Variants in ATP1B3 observed in about 807,000 individuals in gnomAD.
ATP1B3 encodes the protein ATPase Na+/K+ transporting subunit beta 3, also known as sodium/potassium-transporting ATPase subunit beta-3.
In ATP1B3, 10 loss-of-function variants were observed where a neutral mutation model predicts 30.2. The observed-to-expected ratio is 0.33, with a 90% CI of 0.20 to 0.56. The LOEUF is 0.56. Among genes scored for constraint, ATP1B3 ranks in the 20% least tolerant of loss-of-function variants. The pLI is 0.90. For synonymous variants in ATP1B3, 113 were observed against 117.0 expected (o/e 0.97, Z 0.22); for missense variants, 238 against 336.7 (o/e 0.71, Z 2.29).
chr3:141,889,746 A>ATATAT (rs1379745968), intron 1 of ATP1B3, among the ~76,000 whole-genome samples: 5,673 of 100,790 alleles, frequency 0.056, 338 homozygotes, highest in Middle Eastern at 0.098. Flanking sequence ...AAAAAAAAAA[A>ATATAT]AAAAATATAT....
chr3:141,890,051 A>G (rs1310225695), intron 1 of ATP1B3, among the ~76,000 whole-genome samples: 1 of 146,492 alleles, frequency 6.8e-6, no homozygotes, highest in Non-Finnish European at 1.5e-5. Flanking sequence ...GCTCAATTTT[A>G]ATTTTTAAAA....
chr3:141,908,795 A>T (rs1934307181), intron 3 of ATP1B3, among the ~76,000 whole-genome samples: 1 of 152,182 alleles, frequency 6.6e-6, no homozygotes, highest in South Asian at 2.1e-4. Flanking sequence ...CTCTTCATAT[A>T]ACCTGATTTC....
intron 1 of ATP1B3, among the ~76,000 whole-genome samples, chr3:141,879,643 G>T (rs1933681620): frequency 6.6e-6 from 1 of 151,548 alleles, no homozygotes; most frequent in African/African-American, 2.4e-5. Context: ...GCCGGGTGTG[G>T]TGGCACCTGC....
intron 3 of ATP1B3, among the ~76,000 whole-genome samples, chr3:141,910,246 A>G (rs574874360): frequency 6.6e-6 from 1 of 152,216 alleles, no homozygotes; most frequent in Non-Finnish European, 1.5e-5. Context: ...TGCTGGGATT[A>G]CAGGCGTGAG....
At chr3:141,910,086 C>G (rs1934333367) in intron 3 of ATP1B3, among the ~76,000 whole-genome samples, 1 of 152,196 alleles carries the variant, frequency 6.6e-6, no homozygotes, top group African/African-American at 2.4e-5. Context: ...ATCCTCCTGC[C>G]TCAGCCTCTT....
chr3:141,910,224 C>T (rs889432000), intron 3 of ATP1B3, among the ~76,000 whole-genome samples: 9 of 152,126 alleles, frequency 5.9e-5, no homozygotes, highest in East Asian at 5.8e-4. Context: ...CACCTGCCTC[C>T]GCCTCCCAAA....
intron 1 of ATP1B3, among the ~76,000 whole-genome samples, chr3:141,894,165 G>A (rs1934013994): frequency 6.6e-6 from 1 of 152,176 alleles, no homozygotes. Context: ...GGAGCTTGCA[G>A]GACTACAGTT....
chr3:141,885,378 A>G (rs1933807598), intron 1 of ATP1B3, among the ~76,000 whole-genome samples: 2 of 151,454 alleles, frequency 1.3e-5, no homozygotes, highest in Non-Finnish European at 1.5e-5. Flanking sequence ...TTTCATTAAC[A>G]CTCCCACCAA....
intron 3 of ATP1B3, 112 bp downstream of exon 3, chr3:141,907,386 G>C (rs1385317156): frequency 2.8e-6 from 2 of 714,070 alleles, no homozygotes; most frequent in Non-Finnish European, 4.4e-6. Flanking sequence ...TTGGGAGGCC[G>C]AAGCGGGCAG....
intron 1 of ATP1B3, chr3:141,902,147 G>A (rs1380243715): frequency 7.8e-7 from 1 of 1,289,688 alleles, no homozygotes; most frequent in Non-Finnish European, 1.0e-6. Flanking sequence ...ATCGCAGTAT[G>A]TGGTAGGGAA....
chr3:141,919,770 C>G (rs996401860), intron 5 of ATP1B3, among the ~76,000 whole-genome samples: 29 of 152,006 alleles, frequency 1.9e-4, no homozygotes, highest in Non-Finnish European at 3.4e-4. Context: ...GAAACCCCAT[C>G]TCTACTAAAA....
intron 3 of ATP1B3, among the ~76,000 whole-genome samples, chr3:141,910,343 A>T (rs916597633): frequency 2.4e-4 from 37 of 152,074 alleles, no homozygotes; most frequent in African/African-American, 8.2e-4. Flanking sequence ...TTTTTCTTCC[A>T]TATCTATAAA....
chr3:141,879,866 T>C (rs1933689394), intron 1 of ATP1B3, among the ~76,000 whole-genome samples: 1 of 146,282 alleles, frequency 6.8e-6, no homozygotes, highest in Non-Finnish European at 1.5e-5. Context: ...ATTTTGCAAA[T>C]TTTTTTTCTA....
intron 1 of ATP1B3, among the ~76,000 whole-genome samples, chr3:141,878,524 G>A (rs559479256): frequency 8.5e-5 from 13 of 152,174 alleles, no homozygotes; most frequent in Non-Finnish European, 1.5e-4. Context: ...TTTCCAGAAC[G>A]GAGTAACTCC....
intron 1 of ATP1B3, among the ~76,000 whole-genome samples, chr3:141,880,711 A>G (rs1933705161): frequency 6.6e-6 from 1 of 152,224 alleles, no homozygotes; most frequent in Admixed American, 6.5e-5. Flanking sequence ...TATTTTGCAT[A>G]TATAGATACC....
At chr3:141,915,716 T>C (rs933706679) in intron 4 of ATP1B3, among the ~76,000 whole-genome samples, 1 of 152,246 alleles carries the variant, frequency 6.6e-6, no homozygotes, top group Non-Finnish European at 1.5e-5. Context: ...AGGGTACTTT[T>C]GTTTCATTTA....
intron 1 of ATP1B3, among the ~76,000 whole-genome samples, chr3:141,880,800 T>C (rs1933706638): frequency 6.6e-6 from 1 of 152,172 alleles, no homozygotes; most frequent in African/African-American, 2.4e-5. Flanking sequence ...AGTGCCTTCA[T>C]TTCATAGGTG....
At chr3:141,898,545 C>T (rs1934109823) in intron 1 of ATP1B3, among the ~76,000 whole-genome samples, 1 of 152,110 alleles carries the variant, frequency 6.6e-6, no homozygotes, top group Non-Finnish European at 1.5e-5. Flanking sequence ...ATTAAACCCA[C>T]AAAGAGATAC....
intron 1 of ATP1B3, among the ~76,000 whole-genome samples, chr3:141,894,835 TATAGC>T (rs1331506454): frequency 1.3e-5 from 2 of 152,218 alleles, no homozygotes; most frequent in Non-Finnish European, 2.9e-5. Context: ...CAACAAAAAG[TATAGC>T]ATAGTAAATA....
Sources: gnomAD v4.1 joint callset for allele counts (sites outside exome capture counted in the v4.1 genomes callset) on GRCh38, gnomAD v4.1.1 for gene constraint, MANE v1.5 for transcripts, NCBI Gene and HGNC (gene_info 2026-07-23, HGNC 2026-07-21) for gene names.